Variants in ADAMTSL1 observed in about 807,000 individuals in gnomAD.
ADAMTSL1 encodes the protein ADAMTS like 1.
A neutral mutation model predicts 201.8 loss-of-function variants in ADAMTSL1; 126 were observed. That is an observed-to-expected ratio of 0.62 (90% CI 0.54 to 0.72). The LOEUF is 0.72. ADAMTSL1 is among the 30% of genes least tolerant of loss of function. The pLI is 0.00. For synonymous variants in ADAMTSL1, 1,121 were observed against 903.4 expected (o/e 1.24, Z -4.32); for missense variants, 2,679 against 2,277.8 (o/e 1.18, Z -3.59).
At chr9:18,648,239 G>C (rs1032078779) in intron 7 of ADAMTSL1, among the ~76,000 whole-genome samples, 1 of 140,834 alleles carries the variant, frequency 7.1e-6, no homozygotes, top group Non-Finnish European at 1.6e-5. Flanking sequence ...CCATTTGCTT[G>C]GTAGATCTTC....
chr9:18,561,393 G>A (rs182149754), intron 3 of ADAMTSL1, among the ~76,000 whole-genome samples: 491 of 152,224 alleles, frequency 3.2e-3, no homozygotes, highest in African/African-American at 0.011. Context: ...TGTGGTCTGA[G>A]AGACTGTTAA....
intron 1 of ADAMTSL1, among the ~76,000 whole-genome samples, chr9:18,056,221 G>A (rs584721): frequency 0.94 from 143,229 of 152,032 alleles, 67,989 homozygotes; most frequent in East Asian, 1. Context: ...TTCTTATTTT[G>A]GAAGAAAGAG....
At chr9:18,775,955 C>G (rs1260051016) in intron 18 of ADAMTSL1, 59 bp downstream of exon 18, 1 of 1,548,664 alleles carries the variant, frequency 6.5e-7, no homozygotes, top group Non-Finnish European at 8.7e-7. Context: ...GCAGCTATAG[C>G]CACCACGCCG....
intron 2 of ADAMTSL1, among the ~76,000 whole-genome samples, chr9:18,330,912 C>G (rs1416527362): frequency 6.6e-6 from 1 of 152,122 alleles, no homozygotes; most frequent in Admixed American, 6.5e-5. Context: ...TTTCAACATA[C>G]AGAGATGGAT....
intron 2 of ADAMTSL1, among the ~76,000 whole-genome samples, chr9:18,291,753 A>T (rs1214650288): frequency 2.6e-4 from 32 of 124,580 alleles, no homozygotes; most frequent in South Asian, 7.9e-4. Context: ...TCTCTCACAC[A>T]CACACACACA....
chr9:18,437,080 T>A (rs1819770082), intron 2 of ADAMTSL1, among the ~76,000 whole-genome samples: 1 of 150,828 alleles, frequency 6.6e-6, no homozygotes, highest in Admixed American at 6.6e-5. Flanking sequence ...ATGGTTGTAA[T>A]CTTGGACAAG....
At chr9:18,431,984 T>C (rs1000368308) in intron 2 of ADAMTSL1, among the ~76,000 whole-genome samples, 15 of 152,150 alleles carry the variant, frequency 9.9e-5, no homozygotes, top group Non-Finnish European at 1.9e-4. Flanking sequence ...TGAAAGCCCA[T>C]AGCATTTTCA....
intron 4 of ADAMTSL1, among the ~76,000 whole-genome samples, chr9:18,586,061 T>A (rs1823468265): frequency 6.6e-6 from 1 of 152,022 alleles, no homozygotes; most frequent in Admixed American, 6.6e-5. Flanking sequence ...CCACTCCTAT[T>A]CAACATCATA....
chr9:18,234,012 G>A (rs1769934840), intron 2 of ADAMTSL1, among the ~76,000 whole-genome samples: 1 of 152,212 alleles, frequency 6.6e-6, no homozygotes, highest in Non-Finnish European at 1.5e-5. Flanking sequence ...GGAGGCAGAA[G>A]TGAAGTGAGA....
At chr9:18,351,783 C>T (rs947292444) in intron 2 of ADAMTSL1, among the ~76,000 whole-genome samples, 1 of 152,162 alleles carries the variant, frequency 6.6e-6, no homozygotes, top group Non-Finnish European at 1.5e-5. Context: ...ATGTGCTGGT[C>T]TTCCTGAAAC....
intron 2 of ADAMTSL1, among the ~76,000 whole-genome samples, chr9:18,307,367 G>A (rs990996534): frequency 1.2e-4 from 19 of 152,086 alleles, no homozygotes; most frequent in Admixed American, 3.9e-4. Context: ...CATGTAAATG[G>A]GTTAAATGCC....
chr9:18,314,035 G>A (rs956547122), intron 2 of ADAMTSL1, among the ~76,000 whole-genome samples: 4 of 152,106 alleles, frequency 2.6e-5, no homozygotes, highest in African/African-American at 4.8e-5. Flanking sequence ...TTGAATAAAT[G>A]TTTCTCCAAG....
chr9:18,291,747 T>TCACACACA (rs368988848), intron 2 of ADAMTSL1, among the ~76,000 whole-genome samples: 37 of 99,802 alleles, frequency 3.7e-4, no homozygotes, highest in Non-Finnish European at 5.8e-4. Context: ...TCTCTCTCTC[T>TCACACACA]CACACACACA....
chr9:18,260,443 C>T (rs545550474), intron 2 of ADAMTSL1, among the ~76,000 whole-genome samples: 1 of 152,356 alleles, frequency 6.6e-6, no homozygotes, highest in Admixed American at 6.5e-5. Context: ...CAATATGGCA[C>T]CCAGCAGGGA....
chr9:18,050,051 A>G (rs1007041753), intron 1 of ADAMTSL1, among the ~76,000 whole-genome samples: 3 of 152,228 alleles, frequency 2.0e-5, no homozygotes, highest in Non-Finnish European at 4.4e-5. Context: ...TATTCCTTGA[A>G]AGAAAGTTTA....
intron 2 of ADAMTSL1, among the ~76,000 whole-genome samples, chr9:18,234,025 G>A (rs188946265): frequency 5.2e-4 from 79 of 152,310 alleles, no homozygotes; most frequent in Admixed American, 1.4e-3. Context: ...AAGTGAGAAC[G>A]CCTGTGAAGG....
chr9:18,630,769 G>C (rs1341755057), intron 5 of ADAMTSL1, among the ~76,000 whole-genome samples: 1 of 152,120 alleles, frequency 6.6e-6, no homozygotes, highest in East Asian at 1.9e-4. Context: ...ATCTTTGTCA[G>C]AAGCAGAAGT....
intron 2 of ADAMTSL1, among the ~76,000 whole-genome samples, chr9:18,458,083 A>C (rs577996730): frequency 6.6e-6 from 1 of 152,166 alleles, no homozygotes; most frequent in African/African-American, 2.4e-5. Flanking sequence ...TTCCATTCAT[A>C]CCCTACTCCT....
intron 21 of ADAMTSL1, among the ~76,000 whole-genome samples, chr9:18,821,383 G>T (rs1020313630): frequency 6.6e-6 from 1 of 152,166 alleles, no homozygotes; most frequent in African/African-American, 2.4e-5. Context: ...GGTCTCCATA[G>T]GGGTTACCTC....
Sources: allele counts gnomAD v4.1 joint callset (sites outside exome capture counted in the v4.1 genomes callset), GRCh38; gene constraint gnomAD v4.1.1; transcripts MANE v1.5; gene names NCBI Gene and HGNC (gene_info 2026-07-23, HGNC 2026-07-21).